DSCAM: variants seen among roughly 807,000 people sequenced by gnomAD.
DSCAM encodes the protein cell adhesion molecule DSCAM.
Under a neutral mutation model 217.7 loss-of-function variants are expected in DSCAM, and 47 were observed. The observed-to-expected ratio is 0.22, with a 90% CI of 0.17 to 0.28. The LOEUF (loss-of-function observed/expected upper bound fraction) is 0.28, where lower values mean the gene tolerates loss of function less well. Among genes scored for constraint, DSCAM ranks in the 10% least tolerant of loss-of-function variants. The pLI is 1.00. For missense variants in DSCAM, 2,080 were observed against 2,618.3 expected, an observed-to-expected ratio of 0.79 and a Z score of 4.49; for synonymous variants, 1,056 against 1,015.3, an observed-to-expected ratio of 1.04 and a Z score of -0.76.
chr21:40,633,311 G>T (rs531191906), intron 3 of DSCAM, among the ~76,000 whole-genome samples: 15 of 152,274 alleles, frequency 9.9e-5, no homozygotes, highest in Non-Finnish European at 2.1e-4. Context: ...AATGGCGGTG[G>T]TCCTGAGAGG....
chr21:40,174,786 G>A (rs2090705041), intron 15 of DSCAM, among the ~76,000 whole-genome samples: 4 of 152,060 alleles, frequency 2.6e-5, no homozygotes, highest in South Asian at 2.1e-4. Context: ...AATTAACATC[G>A]AATTTAAAAG....
intron 3 of DSCAM, chr21:40,615,519 GACA>G (rs1418460529): frequency 1.3e-5 from 2 of 151,974 alleles, no homozygotes; most frequent in African/African-American, 4.8e-5. Context: ...AAGAAAGTCA[GACA>G]ACATGGCTAA....
rs369240187 is a variant in DSCAM at position 40,291,250 on chromosome 21, G to A, written c.2182+4805C>T. Reference sequence around the variant, plus strand: ...GGCCAAGGCCTTAGAACAGCTCTCCGGCTGAAATTCCTGTCCTTCACACAG... The same window carrying A: ...GGCCAAGGCCTTAGAACAGCTCTCCAGCTGAAATTCCTGTCCTTCACACAG... On this transcript the variant is annotated intron_variant, in intron 10 of 32. Coordinates refer to ENST00000400454, the MANE Select transcript of DSCAM (RefSeq NM_001389.5). 6.0e-4 allele frequency among the ~76,000 whole-genome samples: 91 copies of A among 152,344 alleles called. No homozygotes were observed. In the South Asian group the frequency reaches 8.7e-3, roughly 15 times the overall value.
At chr21:40,832,382 T>C (rs985402707) in intron 1 of DSCAM, among the ~76,000 whole-genome samples, 2 of 152,206 alleles carry the variant, frequency 1.3e-5, no homozygotes, top group African/African-American at 4.8e-5. Flanking sequence ...ACCCTCATTC[T>C]TTTTTAGGGA....
intron 32 of DSCAM, among the ~76,000 whole-genome samples, chr21:40,019,044 A>G (rs11702444): frequency 0.18 from 27,332 of 152,228 alleles, 2,759 homozygotes; most frequent in Non-Finnish European, 0.23. Flanking sequence ...TACAGAGAAG[A>G]GAGCACCAGA....
Position 40,014,516 on chromosome 21 carries a change from G to A in DSCAM, c.5687-1130C>T, listed in dbSNP as rs117559274. Reference sequence around the variant, plus strand: ...GCAAGCCAATGACAAGCGTGACAGGGCTTTTCTCATGGCCGTCCCCGCCCG... The same window carrying A: ...GCAAGCCAATGACAAGCGTGACAGGACTTTTCTCATGGCCGTCCCCGCCCG... On this transcript the variant is annotated intron_variant, in intron 32 of 32. Coordinates refer to ENST00000400454, the MANE Select transcript of DSCAM (RefSeq NM_001389.5). Among the ~76,000 whole-genome samples, 917 of 152,300 alleles carry A rather than the reference G, an allele frequency of 6.0e-3. 32 individuals are homozygous for A. Among genetic ancestry groups the A allele is most frequent in the East Asian group, 0.031 (159 of 5,186 alleles).
intron 1 of DSCAM, among the ~76,000 whole-genome samples, chr21:40,711,547 G>C (rs574042164): frequency 2.6e-4 from 39 of 152,258 alleles, no homozygotes; most frequent in Non-Finnish European, 3.7e-4. Context: ...GTTCTTCCCT[G>C]CTGCCACTTG....
At chr21:40,319,121 C>T (rs2074232349) in intron 8 of DSCAM, among the ~76,000 whole-genome samples, 1 of 152,176 alleles carries the variant, frequency 6.6e-6, no homozygotes, top group Non-Finnish European at 1.5e-5. Flanking sequence ...TTTGAAATAC[C>T]ACATTTGAAT....
chr21:40,428,364 G>A lies in DSCAM; in HGVS notation c.509-59119C>T, dbSNP rs151268183. 1.7e-3 allele frequency among the ~76,000 whole-genome samples: 255 copies of A among 151,418 alleles called. 5 individuals are homozygous for A. The East Asian group carries it at 0.031, about 19-fold the overall frequency. The stretch of plus-strand genomic sequence containing the variant: ...CGTCTCACTGCAACCTCTGCCTCCC[G>A]GGTCCAAGCAATTCTCCTGCCTCAG... On this transcript the variant is annotated intron_variant, in intron 3 of 32. Coordinates refer to ENST00000400454, the MANE Select transcript of DSCAM (RefSeq NM_001389.5).
chr21:40,672,986 C>G (rs898182650), intron 3 of DSCAM, among the ~76,000 whole-genome samples: 3 of 152,178 alleles, frequency 2.0e-5, no homozygotes, highest in African/African-American at 7.2e-5. Context: ...CATCAATCCC[C>G]AGCCCAGAAT....
At chr21:40,335,363 AGAATT>A (rs1322135062) in intron 8 of DSCAM, among the ~76,000 whole-genome samples, 1 of 152,342 alleles carries the variant, frequency 6.6e-6, no homozygotes, top group African/African-American at 2.4e-5. Flanking sequence ...ATTATTCAAT[AGAATT>A]ATTTCCTAAA....
At chr21:40,747,564 G>T (rs546667229) in intron 1 of DSCAM, among the ~76,000 whole-genome samples, 1 of 151,742 alleles carries the variant, frequency 6.6e-6, no homozygotes, top group South Asian at 2.1e-4. Flanking sequence ...CAGTACTAAA[G>T]AATCTCCCAT....
rs370186690 is a variant in DSCAM, at chr21:40,381,951, T to C, written c.509-12706A>G. 2.0e-5 allele frequency among the ~76,000 whole-genome samples: 3 copies of C among 152,370 alleles called. No homozygotes were observed. In the South Asian group the frequency reaches 6.2e-4, roughly 32 times the overall value. On this transcript the variant is annotated intron_variant, in intron 3 of 32. Transcript: ENST00000400454. The stretch of plus-strand genomic sequence containing the variant: ...AGTTATGTGTGTGTTTGTATATTTA[T>C]GTGTGTATTTATGTGTATGCATTAC...
chr21:40,711,355 A>G (rs1472078375), intron 1 of DSCAM, among the ~76,000 whole-genome samples: 1 of 152,208 alleles, frequency 6.6e-6, no homozygotes, highest in African/African-American at 2.4e-5. Context: ...ATGATTTGGT[A>G]AGAAAGAGAT....
At chr21:40,573,336 T>G (rs8130936) in intron 3 of DSCAM, among the ~76,000 whole-genome samples, 6,563 of 152,184 alleles carry the variant, frequency 0.043, 211 homozygotes, top group Non-Finnish European at 0.076. Context: ...AGACTCTGTC[T>G]CAAATAAATA....
chr21:40,498,460 A>G (rs1311390950), intron 3 of DSCAM, among the ~76,000 whole-genome samples: 1 of 151,670 alleles, frequency 6.6e-6, no homozygotes, highest in Non-Finnish European at 1.5e-5. Context: ...CTTCCCTAGG[A>G]TTGGAAGAAA....
At chr21:40,338,601 A>G (rs1161376736) in intron 7 of DSCAM, among the ~76,000 whole-genome samples, 1 of 152,240 alleles carries the variant, frequency 6.6e-6, no homozygotes, top group Non-Finnish European at 1.5e-5. Flanking sequence ...TGCTACTTCT[A>G]TGAAAATGTT....
intron 20 of DSCAM, among the ~76,000 whole-genome samples, chr21:40,099,828 GGTCT>G (rs2089727328): frequency 6.6e-6 from 1 of 152,182 alleles, no homozygotes; most frequent in Admixed American, 6.5e-5. Flanking sequence ...TGTTGAGAGA[GGTCT>G]GTGAGTATTC....
At chr21:40,286,273 G>A (rs1268447418) in intron 10 of DSCAM, among the ~76,000 whole-genome samples, 1 of 152,198 alleles carries the variant, frequency 6.6e-6, no homozygotes, top group Non-Finnish European at 1.5e-5. Flanking sequence ...TCAGAACAGG[G>A]ATGCAAAAGA....
Sources: allele counts gnomAD v4.1 joint callset (sites outside exome capture counted in the v4.1 genomes callset), GRCh38; gene constraint gnomAD v4.1.1; transcripts MANE v1.5; gene names NCBI Gene and HGNC (gene_info 2026-07-23, HGNC 2026-07-21).